Variants in CNTN4 observed in about 807,000 individuals in gnomAD.
The protein encoded by CNTN4 is contactin 4.
In CNTN4, 77 loss-of-function variants were observed where a neutral mutation model predicts 122.5. The ratio of observed to expected loss-of-function variants is 0.63; its 90% CI spans 0.52 to 0.76. The LOEUF is 0.76. Ranked by LOEUF, CNTN4 falls within the 30% of genes least tolerant of loss-of-function variation. The probability of loss-of-function intolerance (pLI) is 0.00; values close to 1 mark genes in which losing one functional copy is unlikely to be tolerated. For missense variants in CNTN4, 1,256 were observed against 1,259.1 expected, an observed-to-expected ratio of 1.00 and a Z score of 0.04; for synonymous variants, 512 against 447.0, an observed-to-expected ratio of 1.15 and a Z score of -1.83.
At chr3:2,893,947 C>T (rs1313014192) in intron 10 of CNTN4, among the ~76,000 whole-genome samples, 1 of 151,994 alleles carries the variant, frequency 6.6e-6, no homozygotes, top group Non-Finnish European at 1.5e-5. Flanking sequence ...GTTATATCTA[C>T]CCATATATGC....
chr3:2,688,712 A>G (rs2085567516), intron 4 of CNTN4, among the ~76,000 whole-genome samples: 1 of 152,118 alleles, frequency 6.6e-6, no homozygotes, highest in Non-Finnish European at 1.5e-5. Context: ...CCAGCTGAAT[A>G]TTTTTCAGAG....
chr3:3,030,703 G>GCTCA, intron 15 of CNTN4, 152 bp from the exon 16 acceptor site: 9 of 905,064 alleles, frequency 9.9e-6, no homozygotes, highest in Non-Finnish European at 1.6e-5. Flanking sequence ...TCTCAGGCAG[G>GCTCA]CTCACATATT....
At chr3:2,215,951 G>A (rs112239317) in intron 2 of CNTN4, among the ~76,000 whole-genome samples, 5 of 143,408 alleles carry the variant, frequency 3.5e-5, no homozygotes, top group African/African-American at 1.0e-4. Flanking sequence ...GTGTAAATTA[G>A]TTCAACCATT....
intron 2 of CNTN4, among the ~76,000 whole-genome samples, chr3:2,296,964 T>C (rs1428636948): frequency 6.6e-6 from 1 of 152,166 alleles, no homozygotes; most frequent in Non-Finnish European, 1.5e-5. Flanking sequence ...TAGGTGACAT[T>C]AAAGAAGTCT....
At chr3:2,233,965 T>A (rs1019572568) in intron 2 of CNTN4, among the ~76,000 whole-genome samples, 5 of 152,178 alleles carry the variant, frequency 3.3e-5, no homozygotes, top group African/African-American at 9.6e-5. Flanking sequence ...ATGCAATTAG[T>A]ATTGGTAATG....
At chr3:2,156,354 G>A (rs1256251433) in intron 2 of CNTN4, among the ~76,000 whole-genome samples, 1 of 152,090 alleles carries the variant, frequency 6.6e-6, no homozygotes, top group African/African-American at 2.4e-5. Context: ...GGCCATGTGG[G>A]GTCTGTGCAT....
rs1254965362 is a variant in CNTN4, at chr3:2,709,369, T to G, written c.56-26846T>G. Among the ~76,000 whole-genome samples the G allele has an allele frequency of 6.6e-6, 1 of 152,108 alleles. No individual in the cohort carries two copies. Among genetic ancestry groups the G allele is most frequent in the East Asian group, 1.9e-4 (1 of 5,182 alleles). On this transcript the variant is annotated intron_variant, in intron 4 of 24. Coordinates refer to ENST00000418658, the MANE Select transcript of CNTN4 (RefSeq NM_175607.3). The surrounding 1 kb of genome is among the most constrained non-coding windows in gnomAD (Gnocchi z 5.0). ...CTTAAAAAATACTGATGCGTAGGTC[T>G]CACGCCTGGTTAGGATTTGATTGGT...
At chr3:2,239,389 T>C (rs2039837015) in intron 2 of CNTN4, among the ~76,000 whole-genome samples, 1 of 152,164 alleles carries the variant, frequency 6.6e-6, no homozygotes, top group Non-Finnish European at 1.5e-5. Context: ...CACAGATACA[T>C]GCACAGACAC....
intron 3 of CNTN4, among the ~76,000 whole-genome samples, chr3:2,358,690 CAGTACTAA>C (rs1315391795): frequency 1.1e-4 from 17 of 152,172 alleles, no homozygotes; most frequent in African/African-American, 4.1e-4. Flanking sequence ...CAACACAAAT[CAGTACTAA>C]AGTGCATAGT....
intron 3 of CNTN4, among the ~76,000 whole-genome samples, chr3:2,472,204 G>C (rs968431986): frequency 2.0e-5 from 3 of 149,376 alleles, no homozygotes; most frequent in Non-Finnish European, 4.5e-5. Flanking sequence ...ATAAATCAAA[G>C]ACAAGTGCTT....
At chr3:2,517,937 A>G (rs2077085765) in intron 3 of CNTN4, among the ~76,000 whole-genome samples, 1 of 152,138 alleles carries the variant, frequency 6.6e-6, no homozygotes, top group South Asian at 2.1e-4. Flanking sequence ...ACTCCCATCC[A>G]GCTGTCTGGC....
At chr3:2,392,598 G>A (rs568181458) in intron 3 of CNTN4, among the ~76,000 whole-genome samples, 1 of 152,076 alleles carries the variant, frequency 6.6e-6, no homozygotes, top group Non-Finnish European at 1.5e-5. Context: ...ATTAAATCAG[G>A]ATAATTAGCA....
intron 3 of CNTN4, among the ~76,000 whole-genome samples, chr3:2,456,316 T>C (rs1168201947): frequency 2.0e-5 from 3 of 152,144 alleles, no homozygotes; most frequent in East Asian, 3.8e-4. Flanking sequence ...GCCTCTATTA[T>C]TATGAATGTT....
intron 13 of CNTN4, among the ~76,000 whole-genome samples, chr3:2,988,106 A>G (rs989745306): frequency 1.3e-5 from 2 of 152,206 alleles, no homozygotes; most frequent in African/African-American, 2.4e-5. Flanking sequence ...GGCTATTCCA[A>G]CTGACTGTTG....
intron 3 of CNTN4, among the ~76,000 whole-genome samples, chr3:2,447,988 C>T (rs1234005753): frequency 1.3e-5 from 2 of 152,134 alleles, no homozygotes; most frequent in African/African-American, 4.8e-5. Flanking sequence ...CCAGGCCTGT[C>T]TAACACAAAA....
intron 7 of CNTN4, among the ~76,000 whole-genome samples, chr3:2,858,594 G>T (rs1267715993): frequency 2.0e-5 from 3 of 151,938 alleles, no homozygotes; most frequent in Non-Finnish European, 4.4e-5. Context: ...AGGCACAGTG[G>T]TGCACGCCTG....
At chr3:2,905,036 T>C (rs6800950) in intron 12 of CNTN4, among the ~76,000 whole-genome samples, 19,736 of 152,090 alleles carry the variant, frequency 0.13, 1,330 homozygotes, top group South Asian at 0.16. Flanking sequence ...TGTGTATGCG[T>C]ATGTGTACGC....
intron 2 of CNTN4, among the ~76,000 whole-genome samples, chr3:2,285,585 A>G (rs1287827687): frequency 2.0e-5 from 3 of 152,128 alleles, no homozygotes; most frequent in African/African-American, 7.2e-5. Context: ...GCCTTCTCAT[A>G]TTAAAAAATA....
intron 2 of CNTN4, among the ~76,000 whole-genome samples, chr3:2,185,321 G>T (rs1208381436): frequency 1.3e-5 from 2 of 152,134 alleles, no homozygotes; most frequent in Non-Finnish European, 2.9e-5. Flanking sequence ...GCAGGAAAGT[G>T]CTTTCCCTCT....
Sources: allele counts gnomAD v4.1 joint callset (sites outside exome capture counted in the v4.1 genomes callset), GRCh38; gene constraint gnomAD v4.1.1; non-coding constraint Gnocchi (gnomAD v3.1); transcripts MANE v1.5; gene names NCBI Gene and HGNC (gene_info 2026-07-23, HGNC 2026-07-21).